CNTN5: variants seen among roughly 807,000 people sequenced by gnomAD.
CNTN5 encodes contactin 5.
In CNTN5, 77 loss-of-function variants were observed where a neutral mutation model predicts 129.1. The observed-to-expected ratio is 0.60, with a 90% CI of 0.50 to 0.72. The LOEUF is 0.72. Among genes scored for constraint, CNTN5 ranks in the 30% least tolerant of loss-of-function variants. The probability of loss-of-function intolerance (pLI) is 0.00; values close to 1 mark genes in which losing one functional copy is unlikely to be tolerated. For missense variants in CNTN5, 1,478 were observed against 1,328.8 expected, an observed-to-expected ratio of 1.11 and a Z score of -1.75; for synonymous variants, 509 against 465.6, an observed-to-expected ratio of 1.09 and a Z score of -1.20.
intron 6 of CNTN5, among the ~76,000 whole-genome samples, chr11:99,885,028 AT>A (rs1948864657): frequency 6.6e-6 from 1 of 152,146 alleles, no homozygotes; most frequent in Non-Finnish European, 1.5e-5. Context: ...CACACCTGTA[AT>A]GACAGCACTC....
intron 2 of CNTN5, among the ~76,000 whole-genome samples, chr11:99,521,249 T>G (rs1947264842): frequency 6.6e-6 from 1 of 152,104 alleles, no homozygotes; most frequent in Non-Finnish European, 1.5e-5. Flanking sequence ...GTTGATAACA[T>G]CAATCCTTCA....
chr11:99,781,530 G>T (rs1197032256), intron 3 of CNTN5, among the ~76,000 whole-genome samples: 3 of 151,746 alleles, frequency 2.0e-5, no homozygotes. Flanking sequence ...ATTTATTTTT[G>T]CATTGCCTTG....
chr11:99,752,122 C>T (rs1034718111), intron 3 of CNTN5, among the ~76,000 whole-genome samples: 4 of 152,152 alleles, frequency 2.6e-5, no homozygotes, highest in Admixed American at 6.5e-5. Context: ...TATAGCAGCA[C>T]AGAATTAGAA....
intron 1 of CNTN5, among the ~76,000 whole-genome samples, chr11:99,216,107 ATAT>A (rs1359308525): frequency 2.6e-5 from 4 of 152,068 alleles, no homozygotes; most frequent in Admixed American, 1.3e-4. Flanking sequence ...TGAGTTGTAG[ATAT>A]TCTTCATTCT....
At chr11:99,564,869 T>G (rs1395643484) in intron 3 of CNTN5, among the ~76,000 whole-genome samples, 1 of 152,208 alleles carries the variant, frequency 6.6e-6, no homozygotes, top group Non-Finnish European at 1.5e-5. Context: ...TCAGTCTCCA[T>G]GTTTAAACAA....
chr11:99,961,874 A>AC (rs1467429384), intron 8 of CNTN5, among the ~76,000 whole-genome samples: 1 of 151,770 alleles, frequency 6.6e-6, no homozygotes, highest in Admixed American at 6.6e-5. Flanking sequence ...TTCAGTCATG[A>AC]CCCCCACACA....
At chr11:100,198,994 A>G (rs1329054649) in intron 15 of CNTN5, among the ~76,000 whole-genome samples, 1 of 151,992 alleles carries the variant, frequency 6.6e-6, no homozygotes, top group Non-Finnish European at 1.5e-5. Flanking sequence ...GTCTCTGAAT[A>G]GAACATAGTA....
At chr11:99,911,738 TA>T (rs34582552) in intron 6 of CNTN5, among the ~76,000 whole-genome samples, 53,786 of 146,790 alleles carry the variant, frequency 0.37, 9,846 homozygotes, top group African/African-American at 0.45. Flanking sequence ...CTCAGGAGGT[TA>T]AAAAAAAAAA....
At chr11:100,030,464 T>C (rs1007125758) in intron 9 of CNTN5, among the ~76,000 whole-genome samples, 2 of 152,160 alleles carry the variant, frequency 1.3e-5, no homozygotes, top group Non-Finnish European at 2.9e-5. Flanking sequence ...ATTAGAATAG[T>C]ATATCATTAA....
rs553451910 is a variant in CNTN5, at chr11:99,521,385, G to A, written c.-70-34760G>A. Among the ~76,000 whole-genome samples, 7 of 152,112 alleles carry A rather than the reference G, an allele frequency of 4.6e-5. No individual in the cohort carries two copies. In the South Asian group the frequency reaches 1.0e-3, roughly 23 times the overall value. On this transcript the variant is annotated intron_variant, in intron 2 of 24. Coordinates refer to ENST00000524871, the MANE Select transcript of CNTN5 (RefSeq NM_014361.4). ...ATTACCTCTCATGCCTAAATCACAA[G>A]TTTCTTTTTAAGTTTGATACCAAAT...
intron 16 of CNTN5, among the ~76,000 whole-genome samples, chr11:100,255,480 G>A (rs1228579038): frequency 6.6e-6 from 1 of 151,886 alleles, no homozygotes; most frequent in African/African-American, 2.4e-5. Flanking sequence ...CTTTGTGTTT[G>A]TTTCTCATTA....
At chr11:99,464,623 A>G (rs1021352304) in intron 2 of CNTN5, among the ~76,000 whole-genome samples, 3 of 152,146 alleles carry the variant, frequency 2.0e-5, no homozygotes, top group Non-Finnish European at 4.4e-5. Flanking sequence ...TACTCAGAGT[A>G]TTTTGGAATC....
intron 1 of CNTN5, among the ~76,000 whole-genome samples, chr11:99,109,208 A>G (rs1857667077): frequency 6.6e-6 from 1 of 151,810 alleles, no homozygotes. Context: ...ATCTAGTCAT[A>G]TATATATTAA....
At chr11:99,371,168 G>A (rs2136132325) in intron 2 of CNTN5, among the ~76,000 whole-genome samples, 1 of 152,178 alleles carries the variant, frequency 6.6e-6, no homozygotes, top group Non-Finnish European at 1.5e-5. Flanking sequence ...AGAAATCTTT[G>A]TTGAAAGAGG....
chr11:99,530,987 G>A (rs577951864), intron 2 of CNTN5, among the ~76,000 whole-genome samples: 28 of 152,312 alleles, frequency 1.8e-4, no homozygotes, highest in Middle Eastern at 3.4e-3. Flanking sequence ...AAAGATACCC[G>A]AAACTGGGGA....
At chr11:99,814,614 A>G (rs917140185) in intron 3 of CNTN5, among the ~76,000 whole-genome samples, 1 of 152,224 alleles carries the variant, frequency 6.6e-6, no homozygotes, top group Admixed American at 6.5e-5. Flanking sequence ...GTGTGCCTGA[A>G]GGTGCATTGA....
At chr11:99,592,034 G>T (rs1451791433) in intron 3 of CNTN5, among the ~76,000 whole-genome samples, 1 of 152,158 alleles carries the variant, frequency 6.6e-6, no homozygotes, top group African/African-American at 2.4e-5. Flanking sequence ...TAAACAGGTG[G>T]ACTGTTTACT....
chr11:99,190,652 G>T (rs1027458264), intron 1 of CNTN5, among the ~76,000 whole-genome samples: 1 of 151,374 alleles, frequency 6.6e-6, no homozygotes, highest in Non-Finnish European at 1.5e-5. Flanking sequence ...GGTTAGTATT[G>T]TAAATGGGAT....
intron 2 of CNTN5, among the ~76,000 whole-genome samples, chr11:99,462,360 C>CTTTTTTTTTTTTTTTTTTTTTTTTTTCTT (rs72276833): frequency 8.0e-6 from 1 of 125,284 alleles, no homozygotes; most frequent in East Asian, 2.2e-4. Flanking sequence ...CTTTTCTTTT[C>CTTTTTTTTTTTTTTTTTTTTTTTTTTCTT]TTTTTTTTTT....
Sources: gnomAD v4.1 joint callset for allele counts (sites outside exome capture counted in the v4.1 genomes callset) on GRCh38, gnomAD v4.1.1 for gene constraint, MANE v1.5 for transcripts, NCBI Gene and HGNC (gene_info 2026-07-23, HGNC 2026-07-21) for gene names.